Variants in MCC observed in about 807,000 individuals in gnomAD.
MCC encodes the protein colorectal mutant cancer protein.
MCC carries 90 observed loss-of-function variants against 116.2 expected under a neutral mutation model. The observed-to-expected ratio is 0.77, with a 90% CI of 0.65 to 0.92. MCC has a LOEUF of 0.92. MCC is among the 40% of genes least tolerant of loss of function. The pLI, the probability that MCC is intolerant of heterozygous loss-of-function variation, is 0.00. For missense variants in MCC, 1,516 were observed against 1,312.2 expected, an observed-to-expected ratio of 1.16 and a Z score of -2.40; for synonymous variants, 578 against 510.5, an observed-to-expected ratio of 1.13 and a Z score of -1.78.
intron 2 of MCC, among the ~76,000 whole-genome samples, chr5:113,364,238 G>GAAAAAAAAAAAAAAAAAAAAAACAAA (rs1768627557): frequency 1.4e-4 from 7 of 49,408 alleles, no homozygotes; most frequent in Admixed American, 3.3e-4. Context: ...CTCAAAAACA[G>GAAAAAAAAAAAAAAAAAAAAAACAAA]AAAAAAAAAA....
At chr5:113,316,012 C>T (rs577688656) in intron 3 of MCC, among the ~76,000 whole-genome samples, 1 of 152,032 alleles carries the variant, frequency 6.6e-6, no homozygotes, top group Non-Finnish European at 1.5e-5. Flanking sequence ...TAATCCAGCA[C>T]TTTGGGAGGC....
chr5:113,254,431 A>G (rs1186588078), intron 3 of MCC, among the ~76,000 whole-genome samples: 1 of 152,270 alleles, frequency 6.6e-6, no homozygotes, highest in Non-Finnish European at 1.5e-5. Flanking sequence ...GTTAGTTCAT[A>G]ACGCATTCAA....
intron 3 of MCC, among the ~76,000 whole-genome samples, chr5:113,201,409 A>G (rs1445119294): frequency 6.6e-6 from 1 of 151,166 alleles, no homozygotes; most frequent in Non-Finnish European, 1.5e-5. Flanking sequence ...AAAAAAACAA[A>G]GAAGAAACTA....
chr5:113,331,217 C>T (rs780018122), intron 3 of MCC, among the ~76,000 whole-genome samples: 1 of 148,176 alleles, frequency 6.7e-6, no homozygotes, highest in Non-Finnish European at 1.5e-5. Context: ...AATATTTCAA[C>T]GATCTGTACT....
At chr5:113,292,917 C>T (rs536482492) in intron 3 of MCC, among the ~76,000 whole-genome samples, 3 of 152,184 alleles carry the variant, frequency 2.0e-5, no homozygotes, top group African/African-American at 7.2e-5. Flanking sequence ...GATTTGAGAC[C>T]GTTAATTATA....
chr5:113,221,356 G>A (rs1763545817), intron 3 of MCC, among the ~76,000 whole-genome samples: 1 of 152,196 alleles, frequency 6.6e-6, no homozygotes, highest in Non-Finnish European at 1.5e-5. Flanking sequence ...AGCTGTCTTT[G>A]TCCATTCCTG....
intron 1 of MCC, among the ~76,000 whole-genome samples, chr5:113,484,420 T>A (rs1430864673): frequency 6.6e-6 from 1 of 152,204 alleles, no homozygotes; most frequent in African/African-American, 2.4e-5. Flanking sequence ...TTGCTGATTG[T>A]GTGCTACATG....
rs1225597103 is a variant in MCC, at chr5:113,101,948, G to A, written c.1192-3C>T. ...ACCCCCTCAATCTCCTCGACTGTCT[G>A]TAAAACACAGCCCCAAAGAAAAGTC... On this transcript the variant is annotated splice_polypyrimidine_tract_variant and splice_region_variant and intron_variant, in intron 7 of 18. Coordinates refer to ENST00000408903, the MANE Select transcript of MCC (RefSeq NM_001085377.2). 2.5e-6 allele frequency: 4 copies of A among 1,613,750 alleles called. No individual in the cohort carries two copies. The highest frequency in any genetic ancestry group is 4.5e-5 in the East Asian group (2 of 44,862).
chr5:113,090,915 A>T (rs1398839969), intron 8 of MCC, among the ~76,000 whole-genome samples: 3 of 152,260 alleles, frequency 2.0e-5, no homozygotes, highest in Non-Finnish European at 2.9e-5. Context: ...GCCAGAAATG[A>T]GAAAGAAGGC....
At position 113,022,652 on chromosome 5, in the gene MCC, T is replaced by C. The variant is rs746922117; in HGVS notation, c.*4650A>G. ...ATGAGTTCTACAAACAGAACATTTT[T>C]CCACATGAATTTGACTTGCAAAAAG... On this transcript the variant is annotated 3_prime_UTR_variant, in exon 19 of 19. Transcript: ENST00000408903. 4 of 152,372 alleles carry C rather than the reference T, an allele frequency of 2.6e-5. No homozygotes were observed. The highest frequency in any genetic ancestry group is 1.9e-4 in the East Asian group (1 of 5,188). 9.4% of individuals were successfully genotyped at this position (152,372 alleles called of 1,614,324 possible). A position where few individuals can be genotyped will look rare whatever the true frequency, so the allele number is the denominator to read the frequency against.
intron 1 of MCC, among the ~76,000 whole-genome samples, chr5:113,398,579 C>T (rs1769595671): frequency 6.6e-6 from 1 of 152,158 alleles, no homozygotes; most frequent in Admixed American, 6.5e-5. Flanking sequence ...AACACAAGAA[C>T]AGAAAACCAA....
At chr5:113,063,620 G>A (rs955109461) in intron 14 of MCC, among the ~76,000 whole-genome samples, 10 of 152,184 alleles carry the variant, frequency 6.6e-5, no homozygotes, top group East Asian at 3.8e-4. Flanking sequence ...TGGAGCAAAC[G>A]GCTCTTGGCT....
chr5:113,447,073 G>A (rs1281759461), intron 1 of MCC, among the ~76,000 whole-genome samples: 2 of 152,164 alleles, frequency 1.3e-5, no homozygotes, highest in African/African-American at 4.8e-5. Flanking sequence ...ATCTGCACAC[G>A]TGTGGGTTTG....
intron 3 of MCC, among the ~76,000 whole-genome samples, chr5:113,152,012 A>G (rs1759905687): frequency 6.6e-6 from 1 of 152,132 alleles, no homozygotes; most frequent in African/African-American, 2.4e-5. Flanking sequence ...ACTTCCCCCG[A>G]AAGGCTGTAC....
rs200901043 is a variant in MCC at position 113,049,098 on chromosome 5, C to T, written c.2650G>A (p.Gly884Ser). ...STSSGSKDKPGKECADAASPA... is the reference protein window; with the variant it reads ...STSSGSKDKPSKECADAASPA... The stretch of plus-strand genomic sequence containing the variant: ...CCAAGCCACTCCGGCCCTACCTTGC[C>T]AGGTTTGTCTTTGCTGCCGCTGCTG... The change falls in exon 16 of 19, where the codon GGC becomes AGC. Residue 884 changes from glycine (G) to serine (S), a missense_variant. Coordinates refer to ENST00000408903, the MANE Select transcript of MCC (RefSeq NM_001085377.2). 63 of 1,614,028 alleles carry T rather than the reference C, an allele frequency of 3.9e-5. No individual in the cohort carries two copies. Among genetic ancestry groups the T allele is most frequent in the South Asian group, 9.9e-5 (9 of 91,086 alleles).
At chr5:113,175,060 T>C (rs1761263133) in intron 3 of MCC, among the ~76,000 whole-genome samples, 1 of 152,144 alleles carries the variant, frequency 6.6e-6, no homozygotes, top group African/African-American at 2.4e-5. Flanking sequence ...GACAGAAATT[T>C]AAGAGGAGAA....
intron 3 of MCC, among the ~76,000 whole-genome samples, chr5:113,339,436 T>TGTGTGTGTGTGTGC (rs1554077379): frequency 6.3e-5 from 8 of 127,690 alleles, no homozygotes; most frequent in African/African-American, 2.4e-4. Flanking sequence ...TGTGTGTGTG[T>TGTGTGTGTGTGTGC]GTGCGTGCAT....
intron 14 of MCC, among the ~76,000 whole-genome samples, chr5:113,062,905 C>T (rs1308357210): frequency 6.6e-6 from 1 of 152,194 alleles, no homozygotes; most frequent in Non-Finnish European, 1.5e-5. Context: ...ACCAAGAAAG[C>T]ATCAGTATTT....
intron 1 of MCC, among the ~76,000 whole-genome samples, chr5:113,476,805 C>T (rs1353583662): frequency 6.6e-6 from 1 of 152,004 alleles, no homozygotes; most frequent in Non-Finnish European, 1.5e-5. Flanking sequence ...GGTGATGAAA[C>T]TATTCTAAAA....
Sources: gnomAD v4.1 joint callset for allele counts (sites outside exome capture counted in the v4.1 genomes callset) on GRCh38, gnomAD v4.1.1 for gene constraint, MANE v1.5 for transcripts, NCBI Gene and HGNC (gene_info 2026-07-23, HGNC 2026-07-21) for gene names.